CHSY3: variants seen among roughly 807,000 people sequenced by gnomAD.
The protein encoded by CHSY3 is chondroitin sulfate synthase 3.
In CHSY3, 35 loss-of-function variants were observed where a neutral mutation model predicts 67.2. That is an observed-to-expected ratio of 0.52 (90% CI 0.40 to 0.69). CHSY3 has a LOEUF of 0.69. CHSY3 is among the 30% of genes least tolerant of loss of function. CHSY3 has a pLI of 0.00. For missense variants in CHSY3, 1,069 were observed against 1,138.5 expected (o/e 0.94, Z 0.88); for synonymous variants, 474 against 434.7 (o/e 1.09, Z -1.12).
At chr5:129,909,093 A>G (rs1187148941) in intron 2 of CHSY3, among the ~76,000 whole-genome samples, 1 of 152,112 alleles carries the variant, frequency 6.6e-6, no homozygotes, top group Admixed American at 6.5e-5. Context: ...CTATTTATTT[A>G]TTGCCGTGAT....
chr5:130,071,762 T>C (rs753771046), intron 2 of CHSY3, among the ~76,000 whole-genome samples: 34 of 152,180 alleles, frequency 2.2e-4, no homozygotes, highest in South Asian at 2.1e-4. Context: ...ATAATAATTA[T>C]GTTTTTAGAT....
intron 2 of CHSY3, among the ~76,000 whole-genome samples, chr5:130,147,783 G>A (rs549086485): frequency 1.7e-4 from 26 of 152,218 alleles, no homozygotes; most frequent in Non-Finnish European, 2.9e-4. Flanking sequence ...AGAGCGAGTA[G>A]GGGTAAGATA....
chr5:129,981,629 C>T (rs1162113254), intron 2 of CHSY3, among the ~76,000 whole-genome samples: 2 of 152,204 alleles, frequency 1.3e-5, no homozygotes, highest in South Asian at 2.1e-4. Flanking sequence ...AGGAATCCTC[C>T]CACCTCAGCC....
intron 2 of CHSY3, among the ~76,000 whole-genome samples, chr5:129,989,674 T>G (rs1000824417): frequency 6.6e-6 from 1 of 152,166 alleles, no homozygotes; most frequent in African/African-American, 2.4e-5. Flanking sequence ...CTTGCAGCAT[T>G]TGTCCCAACT....
intron 2 of CHSY3, among the ~76,000 whole-genome samples, chr5:130,123,719 A>G (rs977110685): frequency 6.6e-6 from 1 of 152,164 alleles, no homozygotes; most frequent in African/African-American, 2.4e-5. Flanking sequence ...CCCTAAAATA[A>G]AAAAGAAAAA....
chr5:130,020,170 C>T (rs1764325232), intron 2 of CHSY3, among the ~76,000 whole-genome samples: 1 of 151,910 alleles, frequency 6.6e-6, no homozygotes, highest in African/African-American at 2.4e-5. Context: ...GTAGTCCCAG[C>T]ACTTTGGGAG....
At chr5:129,987,357 A>G (rs1005831536) in intron 2 of CHSY3, among the ~76,000 whole-genome samples, 1 of 152,226 alleles carries the variant, frequency 6.6e-6, no homozygotes, top group Non-Finnish European at 1.5e-5. Context: ...GTACTAGAGA[A>G]TGCCAAATGC....
chr5:129,969,885 T>C (rs1301418646), intron 2 of CHSY3, among the ~76,000 whole-genome samples: 1 of 151,852 alleles, frequency 6.6e-6, no homozygotes, highest in Non-Finnish European at 1.5e-5. Flanking sequence ...AAGGAACTTT[T>C]CAACCAAAAT....
chr5:130,119,523 C>T (rs1767935971), intron 2 of CHSY3, among the ~76,000 whole-genome samples: 1 of 152,054 alleles, frequency 6.6e-6, no homozygotes, highest in East Asian at 1.9e-4. Flanking sequence ...GCCACTTTTT[C>T]CCTCTCCCAC....
At chr5:129,997,548 T>C (rs915668788) in intron 2 of CHSY3, among the ~76,000 whole-genome samples, 2 of 152,176 alleles carry the variant, frequency 1.3e-5, no homozygotes, top group African/African-American at 4.8e-5. Flanking sequence ...AGGGTACATG[T>C]GCACAATGCG....
At chr5:129,983,372 C>T (rs190362072) in intron 2 of CHSY3, among the ~76,000 whole-genome samples, 15 of 152,002 alleles carry the variant, frequency 9.9e-5, no homozygotes, top group Admixed American at 6.6e-4. Flanking sequence ...TGTTCTTTGT[C>T]CTCCTACATC....
rs542825077 is a variant in CHSY3 at position 130,156,277 on chromosome 5, A to T, written c.1087-27952A>T. On this transcript the variant is annotated intron_variant, in intron 2 of 2. Transcript: ENST00000305031. Reference sequence around the variant, plus strand: ...AAAATAGAATGAGAGAGGAGTATGGATTTTGAGCAGGTGTCAGGCTGTTTA... The same window carrying T: ...AAAATAGAATGAGAGAGGAGTATGGTTTTTGAGCAGGTGTCAGGCTGTTTA... Among the ~76,000 whole-genome samples the T allele has an allele frequency of 3.3e-5, 5 of 152,340 alleles. No homozygotes were observed. The East Asian group carries it at 9.6e-4, about 29-fold the overall frequency.
chr5:130,054,030 A>C (rs987060202), intron 2 of CHSY3, among the ~76,000 whole-genome samples: 1 of 152,102 alleles, frequency 6.6e-6, no homozygotes, highest in Non-Finnish European at 1.5e-5. Flanking sequence ...ACATGTCCTT[A>C]TGCTTTATTT....
chr5:130,029,666 C>T (rs974853537), intron 2 of CHSY3, among the ~76,000 whole-genome samples: 1 of 152,118 alleles, frequency 6.6e-6, no homozygotes, highest in Non-Finnish European at 1.5e-5. Context: ...TCTCAGCTAG[C>T]CCTCTTTTTT....
chr5:130,144,181 T>C (rs546624704), intron 2 of CHSY3, among the ~76,000 whole-genome samples: 95 of 151,818 alleles, frequency 6.3e-4, no homozygotes, highest in African/African-American at 2.2e-3. Flanking sequence ...TGACAAAACA[T>C]CTAATGACTT....
At chr5:129,967,696 C>G (rs1048812594) in intron 2 of CHSY3, among the ~76,000 whole-genome samples, 3 of 151,758 alleles carry the variant, frequency 2.0e-5, no homozygotes, top group Non-Finnish European at 4.4e-5. Context: ...ATTAATTATA[C>G]AGAAGACGGT....
chr5:129,943,237 A>G (rs1332795198), intron 2 of CHSY3, among the ~76,000 whole-genome samples: 1 of 152,194 alleles, frequency 6.6e-6, no homozygotes, highest in East Asian at 1.9e-4. Flanking sequence ...GAATATTAAA[A>G]TATCATCAAT....
At chr5:130,175,947 G>T (rs556936202) in intron 2 of CHSY3, among the ~76,000 whole-genome samples, 2 of 152,134 alleles carry the variant, frequency 1.3e-5, no homozygotes, top group African/African-American at 4.8e-5. Context: ...CACGGGCAAA[G>T]ACTTCATAAT....
chr5:129,959,696 C>T (rs1169980861), intron 2 of CHSY3, among the ~76,000 whole-genome samples: 1 of 152,054 alleles, frequency 6.6e-6, no homozygotes, highest in Non-Finnish European at 1.5e-5. Flanking sequence ...GACTTATTTG[C>T]ATTAAGATTT....
Sources: allele counts gnomAD v4.1 joint callset (sites outside exome capture counted in the v4.1 genomes callset), GRCh38; gene constraint gnomAD v4.1.1; transcripts MANE v1.5; gene names NCBI Gene and HGNC (gene_info 2026-07-23, HGNC 2026-07-21).